Variants in AK5 observed in about 807,000 individuals in gnomAD.
The protein encoded by AK5 is adenylate kinase 5, also known as adenylate kinase isoenzyme 5.
Under a neutral mutation model 69.5 loss-of-function variants are expected in AK5, and 27 were observed. The ratio of observed to expected loss-of-function variants is 0.39; its 90% confidence interval spans 0.29 to 0.54. The LOEUF is 0.54. AK5 is among the 20% of genes least tolerant of loss of function. AK5 has a pLI of 0.71. For missense variants in AK5, 531 were observed against 700.4 expected, an observed-to-expected ratio of 0.76 and a Z score of 2.73; for synonymous variants, 260 against 244.4, an observed-to-expected ratio of 1.06 and a Z score of -0.60.
rs1047740790 is a variant in AK5, at chr1:77,298,171, A to C, written c.699+224A>C. The C allele has an allele frequency of 6.9e-6, 3 of 436,050 alleles. No homozygotes were observed. In the East Asian group the frequency reaches 1.1e-4, roughly 16 times the overall value. 27.0% of individuals were successfully genotyped at this position (436,050 alleles called of 1,614,324 possible). A position where few individuals can be genotyped will look rare whatever the true frequency, so the allele number is the denominator to read the frequency against. ...GGAAAGATAACTAATAATAGAATTC[A>C]TTTTATTGAAAAATGCAAATCTCTC... is the stretch of plus-strand genomic sequence containing the variant. On this transcript the variant is annotated intron_variant, in intron 5 of 13. Coordinates refer to ENST00000354567, the MANE Select transcript of AK5 (RefSeq NM_174858.3).
At chr1:77,540,768 CTAT>C (rs1659224755) in intron 13 of AK5, 2 of 152,168 alleles carry the variant, frequency 1.3e-5, no homozygotes, top group African/African-American at 4.8e-5. Context: ...TTGACCAAGT[CTAT>C]TATTATAAAA....
intron 3 of AK5, among the ~76,000 whole-genome samples, chr1:77,296,836 A>G (rs1659032582): frequency 6.6e-6 from 1 of 152,192 alleles, no homozygotes; most frequent in African/African-American, 2.4e-5. Context: ...ATAGAGATCT[A>G]GTTTATTTCC....
chr1:77,527,061 C>G (rs1320101029), intron 12 of AK5, among the ~76,000 whole-genome samples: 1 of 152,146 alleles, frequency 6.6e-6, no homozygotes, highest in Non-Finnish European at 1.5e-5. Context: ...CTCGTGTACT[C>G]TGGAGTCAGA....
At chr1:77,335,317 G>C (rs1372585674) in intron 5 of AK5, among the ~76,000 whole-genome samples, 1 of 151,278 alleles carries the variant, frequency 6.6e-6, no homozygotes, top group Admixed American at 6.6e-5. Flanking sequence ...GATTCCGCAG[G>C]AGAAACAATA....
chr1:77,377,726 A>G (rs1647340739), intron 6 of AK5, among the ~76,000 whole-genome samples: 1 of 152,218 alleles, frequency 6.6e-6, no homozygotes, highest in Admixed American at 6.5e-5. Context: ...CTGTATAGAA[A>G]TACTAATGGT....
chr1:77,424,554 A>G (rs909526613), intron 8 of AK5, among the ~76,000 whole-genome samples: 2 of 152,242 alleles, frequency 1.3e-5, no homozygotes, highest in Non-Finnish European at 2.9e-5. Context: ...TGGATAATGT[A>G]AGCAGAGAAG....
chr1:77,503,446 GT>G (rs1204618647), intron 10 of AK5, among the ~76,000 whole-genome samples: 1 of 152,148 alleles, frequency 6.6e-6, no homozygotes, highest in African/African-American at 2.4e-5. Flanking sequence ...GTATTATTCA[GT>G]TTTTTCCATG....
chr1:77,327,390 CAAAAAA>C (rs4033041), intron 5 of AK5, among the ~76,000 whole-genome samples: 1 of 128,976 alleles, frequency 7.8e-6, no homozygotes. Context: ...GATCCTGTCT[CAAAAAA>C]AAAAAAAAAA....
chr1:77,319,163 A>G lies in AK5; in HGVS notation c.700-21214A>G, dbSNP rs538865710. Among the ~76,000 whole-genome samples, 9 of 152,316 alleles carry G rather than the reference A, an allele frequency of 5.9e-5. No homozygotes were observed. The South Asian group carries it at 1.5e-3, about 25-fold the overall frequency. The stretch of plus-strand genomic sequence containing the variant: ...GTTCCTTATAGGGGCCTTGACCTTT[A>G]GTAGAGAGAGGTAGCCAGCTCATGA... On this transcript the variant is annotated intron_variant, in intron 5 of 13. Transcript: ENST00000354567.
intron 3 of AK5, among the ~76,000 whole-genome samples, chr1:77,295,991 A>G (rs1658982098): frequency 1.3e-5 from 2 of 152,190 alleles, no homozygotes; most frequent in South Asian, 2.1e-4. Context: ...CATTTTATAT[A>G]TTACAAGAAT....
intron 6 of AK5, among the ~76,000 whole-genome samples, chr1:77,345,367 T>C (rs933361429): frequency 2.0e-5 from 3 of 152,172 alleles, no homozygotes; most frequent in African/African-American, 7.2e-5. Context: ...AAATCAGGAT[T>C]ATTTATTGTT....
intron 6 of AK5, among the ~76,000 whole-genome samples, chr1:77,349,919 G>A (rs1386278229): frequency 6.6e-6 from 1 of 152,120 alleles, no homozygotes; most frequent in Non-Finnish European, 1.5e-5. Flanking sequence ...CATTATGATA[G>A]TCCTTTTATA....
At position 77,282,163 on chromosome 1, in the gene AK5, C is replaced by A; in HGVS notation, c.-151C>A. 1 of 612,306 alleles carries A rather than the reference C, an allele frequency of 1.6e-6. No individual in the cohort carries two copies. The highest frequency in any genetic ancestry group is 2.7e-6 in the Non-Finnish European group (1 of 376,574). 37.9% of individuals were successfully genotyped at this position (612,306 alleles called of 1,614,324 possible). ...GGGAGAGGCGGAGGGGGTCCCTGGC[C>A]TGGGCGGAGAGGCTGAGCTGAGTGC... On this transcript the variant is annotated 5_prime_UTR_variant, in exon 1 of 14. The change creates a new upstream start codon in the 5' untranslated region. Transcript: ENST00000354567.
At chr1:77,349,087 G>A (rs1254687876) in intron 6 of AK5, among the ~76,000 whole-genome samples, 1 of 152,084 alleles carries the variant, frequency 6.6e-6, no homozygotes, top group East Asian at 1.9e-4. Flanking sequence ...AAGCATTTAA[G>A]GCTTGCCCGT....
At chr1:77,458,065 T>G (rs1452143817) in intron 8 of AK5, among the ~76,000 whole-genome samples, 2 of 149,004 alleles carry the variant, frequency 1.3e-5, no homozygotes, top group African/African-American at 5.0e-5. Flanking sequence ...TTGTGCCACT[T>G]CACTCCAGCT....
At chr1:77,339,998 A>G (rs1284605845) in intron 5 of AK5, among the ~76,000 whole-genome samples, 1 of 152,188 alleles carries the variant, frequency 6.6e-6, no homozygotes, top group Non-Finnish European at 1.5e-5. Flanking sequence ...TAATAATAAC[A>G]ATAGTACTTG....
At chr1:77,435,827 A>G (rs1651924399) in intron 8 of AK5, among the ~76,000 whole-genome samples, 1 of 152,202 alleles carries the variant, frequency 6.6e-6, no homozygotes, top group Admixed American at 6.5e-5. Context: ...TTTAACTTAT[A>G]AACTAAGTTA....
intron 8 of AK5, among the ~76,000 whole-genome samples, chr1:77,470,850 TATATATATATATATA>T (rs1557615610): frequency 0.062 from 915 of 14,832 alleles, 114 homozygotes; most frequent in South Asian, 0.12. Flanking sequence ...TATATATATA[TATATATATATATATA>T]TATATATATA....
chr1:77,385,983 A>C (rs1295353916), intron 6 of AK5, among the ~76,000 whole-genome samples: 1 of 152,144 alleles, frequency 6.6e-6, no homozygotes, highest in Non-Finnish European at 1.5e-5. Context: ...AAGAGAGTAG[A>C]CTGCTATTTT....
Sources: allele counts gnomAD v4.1 joint callset (sites outside exome capture counted in the v4.1 genomes callset), GRCh38; gene constraint gnomAD v4.1.1; transcripts MANE v1.5; gene names NCBI Gene and HGNC (gene_info 2026-07-23, HGNC 2026-07-21).